Variants in MIR2052HG observed in about 807,000 individuals in gnomAD.
MIR2052HG encodes the protein MIR2052 host gene.
chr8:74,739,877 T>C (rs919525862), intron 4 of MIR2052HG, among the ~76,000 whole-genome samples: 3 of 152,172 alleles, frequency 2.0e-5, no homozygotes, highest in Non-Finnish European at 4.4e-5. Flanking sequence ...TATCTAAAAA[T>C]GTTCAGGGAG....
intron 2 of MIR2052HG, among the ~76,000 whole-genome samples, chr8:74,679,403 G>A (rs752002562): frequency 2.0e-5 from 3 of 151,948 alleles, no homozygotes; most frequent in Non-Finnish European, 2.9e-5. Flanking sequence ...CTCCATCCAG[G>A]TGGCTACGAG....
At chr8:74,756,458 A>G (rs1810000967) in intron 5 of MIR2052HG, 1 of 152,228 alleles carries the variant, frequency 6.6e-6, no homozygotes, top group Admixed American at 6.5e-5. Flanking sequence ...TCTGGAACAA[A>G]GACCATACAG....
At chr8:74,714,029 G>A (rs1348809866) in intron 4 of MIR2052HG, among the ~76,000 whole-genome samples, 1 of 151,950 alleles carries the variant, frequency 6.6e-6, no homozygotes, top group South Asian at 2.1e-4. Context: ...AGGAGATTCC[G>A]CAAGTGGAAT....
intron 2 of MIR2052HG, among the ~76,000 whole-genome samples, chr8:74,651,732 T>C (rs1808755140): frequency 6.6e-6 from 1 of 152,172 alleles, no homozygotes; most frequent in Non-Finnish European, 1.5e-5. Context: ...ACTTTGCTGG[T>C]AGGCATTTGT....
At chr8:74,650,923 G>A (rs1194338822) in intron 2 of MIR2052HG, among the ~76,000 whole-genome samples, 1 of 152,118 alleles carries the variant, frequency 6.6e-6, no homozygotes, top group Non-Finnish European at 1.5e-5. Context: ...ATATTAAAGT[G>A]TGTTGGTTTC....
At chr8:74,700,074 A>G (rs1213953083) in intron 2 of MIR2052HG, among the ~76,000 whole-genome samples, 2 of 152,172 alleles carry the variant, frequency 1.3e-5, no homozygotes, top group African/African-American at 2.4e-5. Context: ...CATTTTACCA[A>G]TGAGAGAACC....
At chr8:74,658,660 C>T (rs1299644561) in intron 2 of MIR2052HG, among the ~76,000 whole-genome samples, 1 of 152,198 alleles carries the variant, frequency 6.6e-6, no homozygotes, top group East Asian at 1.9e-4. Flanking sequence ...GTTGGGATTA[C>T]AAGTGTGAAC....
At chr8:74,616,533 A>G (rs1808284739) in intron 2 of MIR2052HG, among the ~76,000 whole-genome samples, 2 of 151,522 alleles carry the variant, frequency 1.3e-5, no homozygotes, top group African/African-American at 4.9e-5. Context: ...TACTGTCCCT[A>G]TACTCTGAGG....
rs561704099 is a variant in MIR2052HG at position 74,717,541 on chromosome 8, G to A, written n.371+13859G>A. ...AGATAATTAAAAGTAATGCTAGCCC[G>A]GTGTTGTGGCTCTTGCCCGTAATCC... On this transcript the variant is annotated intron_variant and non_coding_transcript_variant, in intron 4 of 6. Transcript: ENST00000523442. 4.6e-5 allele frequency among the ~76,000 whole-genome samples: 7 copies of A among 152,204 alleles called. No individual in the cohort carries two copies. The East Asian group carries it at 7.7e-4, about 17-fold the overall frequency.
At chr8:74,652,958 T>C (rs1808768783) in intron 2 of MIR2052HG, among the ~76,000 whole-genome samples, 1 of 152,212 alleles carries the variant, frequency 6.6e-6, no homozygotes, top group African/African-American at 2.4e-5. Flanking sequence ...ACAATTTAGT[T>C]AGCATGCCAT....
At chr8:74,744,241 T>A (rs1412144000) in intron 4 of MIR2052HG, among the ~76,000 whole-genome samples, 3 of 151,808 alleles carry the variant, frequency 2.0e-5, no homozygotes, top group African/African-American at 4.8e-5. Context: ...AATCTTTTTT[T>A]AAATTTTTTT....
intron 2 of MIR2052HG, among the ~76,000 whole-genome samples, chr8:74,695,311 C>A (rs1224881412): frequency 6.6e-6 from 1 of 152,114 alleles, no homozygotes; most frequent in Non-Finnish European, 1.5e-5. Flanking sequence ...TTAAAAGGAG[C>A]TCTAAATCTT....
intron 2 of MIR2052HG, among the ~76,000 whole-genome samples, chr8:74,642,629 C>T (rs1808650443): frequency 6.6e-6 from 1 of 152,048 alleles, no homozygotes; most frequent in Non-Finnish European, 1.5e-5. Flanking sequence ...CAGTTGAATA[C>T]AAGCAGCAGA....
chr8:74,635,899 G>T (rs1367793467), intron 2 of MIR2052HG, among the ~76,000 whole-genome samples: 1 of 152,022 alleles, frequency 6.6e-6, no homozygotes, highest in Non-Finnish European at 1.5e-5. Context: ...GAATGCTTTT[G>T]GTTTGCCAAT....
At chr8:74,618,198 G>A (rs1386836830) in intron 2 of MIR2052HG, among the ~76,000 whole-genome samples, 4 of 152,188 alleles carry the variant, frequency 2.6e-5, no homozygotes, top group African/African-American at 9.7e-5. Context: ...CTGATCAGCA[G>A]GCACTCTTTG....
At chr8:74,746,980 T>G (rs1463705061) in intron 4 of MIR2052HG, among the ~76,000 whole-genome samples, 2 of 152,152 alleles carry the variant, frequency 1.3e-5, no homozygotes, top group African/African-American at 4.8e-5. Context: ...ATGAATTTGC[T>G]GTAATCATAG....
chr8:74,676,255 A>G (rs1809050343), intron 2 of MIR2052HG, among the ~76,000 whole-genome samples: 1 of 152,046 alleles, frequency 6.6e-6, no homozygotes, highest in South Asian at 2.1e-4. Flanking sequence ...TGCATAAATA[A>G]ATAGCAGATA....
chr8:74,725,520 G>C (rs1401161054), intron 4 of MIR2052HG, among the ~76,000 whole-genome samples: 2 of 152,152 alleles, frequency 1.3e-5, no homozygotes, highest in Non-Finnish European at 2.9e-5. Context: ...CTTCAACTCA[G>C]GTGCTTCTCA....
intron 2 of MIR2052HG, among the ~76,000 whole-genome samples, chr8:74,618,596 A>G (rs537594532): frequency 1.3e-5 from 2 of 152,336 alleles, no homozygotes; most frequent in African/African-American, 4.8e-5. Flanking sequence ...ATTTCACATT[A>G]TTTCATCATA....
Sources: gnomAD v4.1 joint callset for allele counts (sites outside exome capture counted in the v4.1 genomes callset) on GRCh38, gnomAD v4.1.1 for gene constraint, MANE v1.5 for transcripts, NCBI Gene and HGNC (gene_info 2026-07-23, HGNC 2026-07-21) for gene names.